Variants in POLL observed in about 807,000 individuals in gnomAD.
POLL encodes the protein DNA polymerase lambda, also known as DNA polymerase beta-2.
A neutral mutation model predicts 58.1 loss-of-function variants in POLL; 44 were observed. The ratio of observed to expected loss-of-function variants is 0.76; its 90% CI spans 0.60 to 0.97. The LOEUF is 0.97. Ranked by LOEUF, POLL falls within the 50% of genes least tolerant of loss-of-function variation. POLL has a pLI of 0.00. For synonymous variants in POLL, 290 were observed against 283.2 expected (o/e 1.02, Z -0.24); for missense variants, 632 against 736.8 (o/e 0.86, Z 1.65).
rs371228435 is a variant in POLL at position 101,579,632 on chromosome 10, G to A, written c.1549C>T (p.Arg517Ter). ...TGSAHFNRSM[R>*]ALAKTKGMSL... The stretch of plus-strand genomic sequence containing the variant: ...ATGCCCTTGGTTTTGGCCAGGGCTC[G>A]CATGGAGCGGTTGAAGTGTGCAGAG... The change falls in exon 9 of 9, where the codon CGA becomes TGA. Residue 517 changes from arginine (R) to a stop codon, truncating the protein, a stop_gained. Transcript: ENST00000370162. LOFTEE classifies it high-confidence loss of function. The surrounding 1 kb of genome is among the most constrained non-coding windows in gnomAD (Gnocchi z 4.4). 14 of 1,613,886 alleles carry A rather than the reference G, an allele frequency of 8.7e-6. No individual in the cohort carries two copies. The highest frequency in any genetic ancestry group is 1.6e-4 in the Middle Eastern group (1 of 6,084).
intron 5 of POLL, among the ~76,000 whole-genome samples, chr10:101,584,268 C>T (rs961917557): frequency 6.6e-6 from 1 of 151,742 alleles, no homozygotes; most frequent in African/African-American, 2.4e-5. Flanking sequence ...TTGCTTGAGC[C>T]CAGGAGTTCA....
Position 101,583,510 on chromosome 10 carries a change from G to T in POLL, c.1063C>A (p.Gln355Lys). 1 of 1,612,756 alleles carries T rather than the reference G, an allele frequency of 6.2e-7. No homozygotes were observed. The highest frequency in any genetic ancestry group is 8.5e-7 in the Non-Finnish European group (1 of 1,180,010). Reference sequence around the variant, plus strand: ...TAGGGGCTGAGCCAGGGTGTGACCTGTTGGTACCACATCTGGGCAGTCTTG... The same window carrying T: ...TAGGGGCTGAGCCAGGGTGTGACCTTTTGGTACCACATCTGGGCAGTCTTG... ...GTKTAQMWYQQGFRSLEDIRS... is the reference protein window; with the variant it reads ...GTKTAQMWYQKGFRSLEDIRS... The change falls in exon 6 of 9, where the codon CAG becomes AAG. Residue 355 changes from glutamine (Q) to lysine (K), a missense_variant and splice_region_variant. Gln to Lys is a moderately conservative substitution (Grantham distance 53). Coordinates refer to ENST00000370162, the MANE Select transcript of POLL (RefSeq NM_001174084.2).
intron 6 of POLL, 69 bp downstream of exon 6, chr10:101,583,439 C>T (rs1589677724): frequency 6.5e-7 from 1 of 1,532,484 alleles, no homozygotes; most frequent in Non-Finnish European, 9.0e-7. Flanking sequence ...GGGCAGAGCA[C>T]AGCACACATC....
Position 101,588,114 on chromosome 10 carries a change from A to G in POLL, c.-339T>C, listed in dbSNP as rs1363552934. 4.0e-6 allele frequency: 6 copies of G among 1,514,100 alleles called. No homozygotes were observed. The East Asian group carries it at 1.0e-4, about 26-fold the overall frequency. The allele number at this position is 1,514,100 out of a possible 1,614,324, so 93.8% of individuals were successfully genotyped here. On this transcript the variant is annotated 5_prime_UTR_variant, in exon 1 of 9. Coordinates refer to ENST00000370162, the MANE Select transcript of POLL (RefSeq NM_001174084.2). The stretch of plus-strand genomic sequence containing the variant: ...TGGAGTGCCCGACCCCGGCCCCAAG[A>G]GTCTCTCCAACCCCCAGAGTCGGTC...
chr10:101,582,867 G>A lies in POLL; in HGVS notation c.1090C>T (p.Arg364Cys), dbSNP rs1224450067. ...TGGGTTGTCAGGGAGGCCTGGCTGC[G>A]GATGTCTTCCAGACTTCGGAAGCCC... ...QQGFRSLEDI[R>C]SQASLTTQQA... Residue 364 changes from arginine to cysteine, a missense_variant, in exon 7 of 9, where the codon CGC (arginine) becomes TGC (cysteine). Coordinates refer to ENST00000370162, the MANE Select transcript of POLL (RefSeq NM_001174084.2). 34 of 1,614,066 alleles carry A rather than the reference G, an allele frequency of 2.1e-5. No homozygotes were observed. The highest frequency in any genetic ancestry group is 2.9e-5 in the Non-Finnish European group (34 of 1,180,032).
chr10:101,583,506 A>G lies in POLL; in HGVS notation c.1065+2T>C. On this transcript the variant is annotated splice_donor_variant, in intron 6 of 8. Coordinates refer to ENST00000370162, the MANE Select transcript of POLL (RefSeq NM_001174084.2). LOFTEE classifies it high-confidence loss of function. ...GAAGTAGGGGCTGAGCCAGGGTGTG[A>G]CCTGTTGGTACCACATCTGGGCAGT... is the stretch of plus-strand genomic sequence containing the variant. 6.2e-7 allele frequency: 1 copy of G among 1,612,542 alleles called. No homozygotes were observed. The highest frequency in any genetic ancestry group is 8.5e-7 in the Non-Finnish European group (1 of 1,179,980).
chr10:101,584,741 T>G lies in POLL; in HGVS notation c.752A>C (p.Asn251Thr). Reference protein sequence around the residue: ...CAQPSSQKATNHNLHITEKLE... With the variant: ...CAQPSSQKATTHNLHITEKLE... ...CTTCTCTGTGATATGGAGGTTGTGATTGGTCGCCTTCTGGCTTGAGGGCTG... is the reference window on the plus strand; with the variant it reads ...CTTCTCTGTGATATGGAGGTTGTGAGTGGTCGCCTTCTGGCTTGAGGGCTG... Residue 251 changes from asparagine (N) to threonine (T), a missense_variant, in exon 5 of 9, where the codon AAT becomes ACT. Coordinates refer to ENST00000370162, the MANE Select transcript of POLL (RefSeq NM_001174084.2). 6.2e-7 allele frequency: 1 copy of G among 1,614,080 alleles called. No homozygotes were observed. The highest frequency in any genetic ancestry group is 8.5e-7 in the Non-Finnish European group (1 of 1,179,996).
Position 101,586,036 on chromosome 10 carries a change from C to G in POLL, c.236G>C (p.Gly79Ala). Residue 79 changes from glycine to alanine, a missense_variant, in exon 3 of 9, where the codon GGT becomes GCT. Gly to Ala is a moderately conservative substitution (Grantham distance 60). Transcript: ENST00000370162. ...GGQLCPAQGPGVTHIVVDEGM... is the reference protein window; with the variant it reads ...GGQLCPAQGPAVTHIVVDEGM... ...TTCATCCACCACAATGTGAGTGACACCTGGGCCCTGGGCAGGGCATAGCTG... is the reference window on the plus strand; with the variant it reads ...TTCATCCACCACAATGTGAGTGACAGCTGGGCCCTGGGCAGGGCATAGCTG... 1 of 1,614,130 alleles carries G rather than the reference C, an allele frequency of 6.2e-7. No homozygotes were observed. The highest frequency in any genetic ancestry group is 8.5e-7 in the Non-Finnish European group (1 of 1,180,046).
In POLL at chr10:101,579,735, T is replaced by C; in HGVS notation, c.1446A>G (p.Pro482=). 6.2e-7 allele frequency: 1 copy of C among 1,613,494 alleles called. No homozygotes were observed. The highest frequency in any genetic ancestry group is 8.5e-7 in the Non-Finnish European group (1 of 1,179,922). ...KYLGVCRLPG[P]GRRHRRLDII... Reference sequence around the variant, plus strand: ...TGTCCAGGCGCCGGTGCCGCCGCCCTGGCCCTGGGAGCCGGCACACCCCCA... The same window carrying C: ...TGTCCAGGCGCCGGTGCCGCCGCCCCGGCCCTGGGAGCCGGCACACCCCCA... Residue 482 remains proline (P), a synonymous_variant, in exon 9 of 9, where the codon CCA becomes CCG. Transcript: ENST00000370162. This position sits in a 1 kb window ranked among gnomAD's most constrained non-coding sequence, Gnocchi z 4.4.
chr10:101,584,512 A>T, intron 5 of POLL, 90 bp downstream of exon 5: 1 of 906,468 alleles, frequency 1.1e-6, no homozygotes, highest in South Asian at 2.8e-5. Flanking sequence ...CCTAGACCCC[A>T]TAAAATCTTC....
Position 101,587,911 on chromosome 10 carries a change from G to A in POLL, c.-136C>T. ...TGTCCTGGTCTCAGCCTCTCGACAT[G>A]GGGGTGCTCAGCGCCGCAGCTGCGG... is the stretch of plus-strand genomic sequence containing the variant. On this transcript the variant is annotated 5_prime_UTR_variant, in exon 1 of 9. Transcript: ENST00000370162. The A allele has an allele frequency of 8.2e-7, 1 of 1,213,696 alleles. No individual in the cohort carries two copies. The highest frequency in any genetic ancestry group is 1.0e-6 in the Non-Finnish European group (1 of 953,254). 75.2% of individuals were successfully genotyped at this position (1,213,696 alleles called of 1,614,324 possible).
Position 101,583,528 on chromosome 10 carries a change from C to G in POLL, c.1045G>C (p.Ala349Pro). 6.2e-7 allele frequency: 1 copy of G among 1,613,232 alleles called. No homozygotes were observed. Among genetic ancestry groups the G allele is most frequent in the Non-Finnish European group, 8.5e-7 (1 of 1,180,020 alleles). Residue 349 changes from alanine to proline, a missense_variant, in exon 6 of 9, where the codon GCC becomes CCC. Coordinates refer to ENST00000370162, the MANE Select transcript of POLL (RefSeq NM_001174084.2). ...GTGACCTGTTGGTACCACATCTGGG[C>G]AGTCTTGGTCCCAGCTCCCCAGATG... ...SNIWGAGTKT[A>P]QMWYQQGFRS...
rs2134719241 is a variant in POLL, at chr10:101,587,807, A to C, written c.-47+15T>G. The C allele has an allele frequency of 8.4e-7, 1 of 1,190,772 alleles. No homozygotes were observed. The highest frequency in any genetic ancestry group is 5.9e-5 in the East Asian group (1 of 16,836). 73.8% of individuals were successfully genotyped at this position (1,190,772 alleles called of 1,614,324 possible). A position where few individuals can be genotyped will look rare whatever the true frequency, so the allele number is the denominator to read the frequency against. ...GGGAGGACCTGCACATAAACCCCACATACTATTTCTCTACCTCCAACACAG... is the reference window on the plus strand; with the variant it reads ...GGGAGGACCTGCACATAAACCCCACCTACTATTTCTCTACCTCCAACACAG... On this transcript the variant is annotated intron_variant, in intron 1 of 8. Coordinates refer to ENST00000370162, the MANE Select transcript of POLL (RefSeq NM_001174084.2).
chr10:101,587,506 A>G, intron 1 of POLL, 100 bp from the exon 2 acceptor site: 3 of 1,235,182 alleles, frequency 2.4e-6, no homozygotes, highest in Admixed American at 4.7e-5. Context: ...CAGTTTGGGG[A>G]AGCGGGTCGG....
intron 1 of POLL, chr10:101,587,614 G>A (rs1298234032): frequency 4.7e-6 from 5 of 1,057,168 alleles, no homozygotes; most frequent in East Asian, 7.5e-5. Flanking sequence ...GAAATGAGGG[G>A]AAGGCTGGTG....
Position 101,580,137 on chromosome 10 carries a change from T to C in POLL, c.1363+111A>G. ...GAGATGGGATGCTGGCAAAGCACTG[T>C]TCCCCTGCTTCCTGCCTCAGGACTG... On this transcript the variant is annotated intron_variant, in intron 8 of 8. Transcript: ENST00000370162. The surrounding 1 kb of genome is among the most constrained non-coding windows in gnomAD (Gnocchi z 4.1). 1.0e-6 allele frequency: 1 copy of C among 961,598 alleles called. No individual in the cohort carries two copies. Among genetic ancestry groups the C allele is most frequent in the Admixed American group, 2.3e-5 (1 of 43,724 alleles). The allele number at this position is 961,598 out of a possible 1,614,324, so 59.6% of individuals were successfully genotyped here. A position where few individuals can be genotyped will look rare whatever the true frequency, so the allele number is the denominator to read the frequency against.
chr10:101,580,050 C>T lies in POLL; in HGVS notation c.1363+198G>A, dbSNP rs2062895040. The T allele has an allele frequency of 1.5e-6, 1 of 681,878 alleles. No individual in the cohort carries two copies. Among genetic ancestry groups the T allele is most frequent in the South Asian group, 1.9e-5 (1 of 52,154 alleles). 42.2% of individuals were successfully genotyped at this position (681,878 alleles called of 1,614,324 possible). On this transcript the variant is annotated intron_variant, in intron 8 of 8. Transcript: ENST00000370162. This position sits in a 1 kb window ranked among gnomAD's most constrained non-coding sequence, Gnocchi z 4.1. ...TTGGCCTGCAGGGTTCACTGAGCAC[C>T]TCCACATAGGTGTGGCGGGGCTGTT... is the stretch of plus-strand genomic sequence containing the variant.
At chr10:101,587,713 C>T in intron 1 of POLL, 109 bp downstream of exon 1, 1 of 1,128,946 alleles carries the variant, frequency 8.9e-7, no homozygotes, top group Non-Finnish European at 1.1e-6. Context: ...CTGCGGCCCA[C>T]TTCGAAGGGC....
In POLL at chr10:101,579,945, G is replaced by C; in HGVS notation, c.1364-128C>G. 4 of 1,010,378 alleles carry C rather than the reference G, an allele frequency of 4.0e-6. No homozygotes were observed. The highest frequency in any genetic ancestry group is 5.7e-6 in the Non-Finnish European group (4 of 700,586). The allele number at this position is 1,010,378 out of a possible 1,614,324, so 62.6% of individuals were successfully genotyped here. Reference sequence around the variant, plus strand: ...TTAGCTGGGTGACACTACCCTCTCTGGGCCCTTCTCCTTTTCTGTAAAACA... The same window carrying C: ...TTAGCTGGGTGACACTACCCTCTCTCGGCCCTTCTCCTTTTCTGTAAAACA... On this transcript the variant is annotated intron_variant, in intron 8 of 8. Transcript: ENST00000370162. This position sits in a 1 kb window ranked among gnomAD's most constrained non-coding sequence, Gnocchi z 4.4.
Sources: gnomAD v4.1 joint callset for allele counts (sites outside exome capture counted in the v4.1 genomes callset) on GRCh38, gnomAD v4.1.1 for gene constraint, Gnocchi (gnomAD v3.1) non-coding constraint, MANE v1.5 for transcripts, NCBI Gene and HGNC (gene_info 2026-07-23, HGNC 2026-07-21) for gene names.